MCTP1: variants seen among roughly 807,000 people sequenced by gnomAD.
MCTP1 encodes multiple C2 and transmembrane domain containing 1.
A neutral mutation model predicts 120.6 loss-of-function variants in MCTP1; 69 were observed. The observed-to-expected ratio is 0.57, with a 90% CI of 0.47 to 0.70. The LOEUF is 0.70. Ranked by LOEUF, MCTP1 falls within the 30% of genes least tolerant of loss-of-function variation. MCTP1 has a pLI of 0.00. For synonymous variants in MCTP1, 529 were observed against 493.1 expected, an observed-to-expected ratio of 1.07 and a Z score of -0.96; for missense variants, 1,203 against 1,248.8, an observed-to-expected ratio of 0.96 and a Z score of 0.55.
intron 3 of MCTP1, among the ~76,000 whole-genome samples, chr5:94,948,102 T>C (rs1418931988): frequency 6.6e-6 from 1 of 152,138 alleles, no homozygotes; most frequent in Non-Finnish European, 1.5e-5. Flanking sequence ...AGAAGTGACA[T>C]TGTAAAACAA....
chr5:95,115,011 T>C (rs957147939), intron 1 of MCTP1, among the ~76,000 whole-genome samples: 1 of 152,164 alleles, frequency 6.6e-6, no homozygotes, highest in Admixed American at 6.5e-5. Flanking sequence ...TTCTGGATCT[T>C]ATCCAAGACC....
chr5:94,992,925 A>T (rs1831885589), intron 2 of MCTP1, among the ~76,000 whole-genome samples: 3 of 152,348 alleles, frequency 2.0e-5, no homozygotes, highest in African/African-American at 7.2e-5. Context: ...ACAGACTGCT[A>T]ATAAAATATC....
At chr5:94,953,027 TGGA>T (rs34972137) in intron 3 of MCTP1, among the ~76,000 whole-genome samples, 189 bp downstream of exon 3, 5,322 of 152,278 alleles carry the variant, frequency 0.035, 140 homozygotes, top group East Asian at 0.087. Flanking sequence ...AGAACTGTCC[TGGA>T]GAAGAATGCC....
chr5:94,942,240 C>A, intron 4 of MCTP1, 108 bp downstream of exon 4: 1 of 749,116 alleles, frequency 1.3e-6, no homozygotes, highest in Non-Finnish European at 2.2e-6. Context: ...AGCAGGAAGG[C>A]TCACCACTAT....
At chr5:95,194,539 G>A (rs898941463) in intron 1 of MCTP1, among the ~76,000 whole-genome samples, 4 of 152,208 alleles carry the variant, frequency 2.6e-5, no homozygotes, top group Admixed American at 6.5e-5. Context: ...TCTCCACCAT[G>A]AGAAGTTTCC....
At chr5:94,931,697 A>G (rs1814728516) in intron 6 of MCTP1, 2 of 410,096 alleles carry the variant, frequency 4.9e-6, no homozygotes, top group South Asian at 5.0e-5. Flanking sequence ...ACCCTGTTGC[A>G]TATATAGTTG....
At chr5:94,924,714 T>G (rs1812585542) in intron 6 of MCTP1, among the ~76,000 whole-genome samples, 1 of 152,230 alleles carries the variant, frequency 6.6e-6, no homozygotes, top group South Asian at 2.1e-4. Flanking sequence ...AATATCTAAA[T>G]TACAGTCTTC....
chr5:95,135,667 C>A (rs946674903), intron 1 of MCTP1, among the ~76,000 whole-genome samples: 1 of 152,176 alleles, frequency 6.6e-6, no homozygotes, highest in African/African-American at 2.4e-5. Context: ...CATCATTCTC[C>A]AAGTTCTTCA....
At chr5:94,856,881 A>G (rs1794816161) in intron 17 of MCTP1, among the ~76,000 whole-genome samples, 1 of 151,712 alleles carries the variant, frequency 6.6e-6, no homozygotes, top group Non-Finnish European at 1.5e-5. Flanking sequence ...CAACCAGTTA[A>G]CATTTCTGGC....
In MCTP1 at chr5:94,872,581, A is replaced by G. The variant is rs116818358; in HGVS notation, c.2036+558T>C. Among the ~76,000 whole-genome samples, 1,290 of 152,206 alleles carry G rather than the reference A, an allele frequency of 8.5e-3. 14 individuals carry two copies. Among genetic ancestry groups the G allele is most frequent in the African/African-American group, 0.028 (1,180 of 41,576 alleles). On this transcript the variant is annotated intron_variant, in intron 13 of 22. Transcript: ENST00000515393. ...TAAAAAACCGAACTTAGGAGTTACT[A>G]TAGTGTAGCATTGGCAGCTTTTACA...
chr5:94,963,319 C>A (rs1229810665), intron 2 of MCTP1, among the ~76,000 whole-genome samples: 1 of 150,562 alleles, frequency 6.6e-6, no homozygotes, highest in South Asian at 2.1e-4. Flanking sequence ...GGATAAATAC[C>A]CAGAAATGAG....
At chr5:94,815,683 G>A (rs1784361142) in intron 17 of MCTP1, among the ~76,000 whole-genome samples, 1 of 152,186 alleles carries the variant, frequency 6.6e-6, no homozygotes, top group African/African-American at 2.4e-5. Context: ...GGGTTTACTA[G>A]TGTAATAAAG....
At chr5:94,797,762 A>C (rs1780395883) in intron 18 of MCTP1, among the ~76,000 whole-genome samples, 2 of 152,274 alleles carry the variant, frequency 1.3e-5, no homozygotes, top group East Asian at 1.9e-4. Flanking sequence ...TCCTTCCCTC[A>C]CATTTATAAT....
At chr5:95,058,621 T>A (rs987507868) in intron 1 of MCTP1, among the ~76,000 whole-genome samples, 1 of 152,114 alleles carries the variant, frequency 6.6e-6, no homozygotes, top group African/African-American at 2.4e-5. Context: ...AAACTTAAAC[T>A]ATACCACTTC....
chr5:94,801,910 G>C (rs1262840426), intron 17 of MCTP1, among the ~76,000 whole-genome samples: 3 of 152,162 alleles, frequency 2.0e-5, no homozygotes, highest in Non-Finnish European at 4.4e-5. Context: ...CCCCATTGTA[G>C]TCATCTTCCT....
intron 2 of MCTP1, among the ~76,000 whole-genome samples, chr5:95,012,680 G>A (rs1396284618): frequency 6.6e-6 from 1 of 152,002 alleles, no homozygotes; most frequent in Non-Finnish European, 1.5e-5. Flanking sequence ...TTGTTTTGAG[G>A]GAGGCCCCAT....
intron 1 of MCTP1, among the ~76,000 whole-genome samples, chr5:95,044,317 C>T (rs1842816798): frequency 6.6e-6 from 1 of 152,214 alleles, no homozygotes; most frequent in Non-Finnish European, 1.5e-5. Context: ...GGACAAGTGT[C>T]CTGGCTTTTT....
At chr5:95,172,473 C>T (rs1186927005) in intron 1 of MCTP1, among the ~76,000 whole-genome samples, 1 of 152,168 alleles carries the variant, frequency 6.6e-6, no homozygotes, top group African/African-American at 2.4e-5. Context: ...TTCTAAGACT[C>T]CTTTCTGTAA....
chr5:95,251,510 C>A (rs1052892749), intron 1 of MCTP1, among the ~76,000 whole-genome samples: 1 of 151,978 alleles, frequency 6.6e-6, no homozygotes, highest in Non-Finnish European at 1.5e-5. Context: ...TTTTTTTAAA[C>A]ACGTTTCTCA....
Sources: allele counts gnomAD v4.1 joint callset (sites outside exome capture counted in the v4.1 genomes callset), GRCh38; gene constraint gnomAD v4.1.1; transcripts MANE v1.5; gene names NCBI Gene and HGNC (gene_info 2026-07-23, HGNC 2026-07-21).